GLIS1: variants seen among roughly 807,000 people sequenced by gnomAD.
The protein encoded by GLIS1 is zinc finger protein GLIS1.
In GLIS1, 24 loss-of-function variants were observed where a neutral mutation model predicts 63.8. The ratio of observed to expected loss-of-function variants is 0.38; its 90% CI spans 0.27 to 0.53. The LOEUF (loss-of-function observed/expected upper bound fraction) is 0.53. Ranked by LOEUF, GLIS1 falls within the 20% of genes least tolerant of loss-of-function variation. GLIS1 has a pLI of 0.85. For synonymous variants in GLIS1, 450 were observed against 482.5 expected, an observed-to-expected ratio of 0.93 and a Z score of 0.88; for missense variants, 1,036 against 1,074.1, an observed-to-expected ratio of 0.96 and a Z score of 0.50.
At chr1:53,593,863 G>A (rs1304705449) in intron 4 of GLIS1, among the ~76,000 whole-genome samples, 1 of 152,238 alleles carries the variant, frequency 6.6e-6, no homozygotes, top group African/African-American at 2.4e-5. Context: ...TATATCTAAT[G>A]CCTCAGGGTG....
At chr1:53,538,366 T>G (rs937494867) in intron 4 of GLIS1, among the ~76,000 whole-genome samples, 2 of 152,182 alleles carry the variant, frequency 1.3e-5, no homozygotes, top group Non-Finnish European at 2.9e-5. Flanking sequence ...ACATTGACCA[T>G]GTGCCTAGGA....
chr1:53,584,340 T>TC (rs1267755424), intron 4 of GLIS1, among the ~76,000 whole-genome samples: 2 of 152,124 alleles, frequency 1.3e-5, no homozygotes, highest in Non-Finnish European at 2.9e-5. Flanking sequence ...ACACCTATGT[T>TC]CCCCACAAGG....
chr1:53,550,159 A>C (rs12081852), intron 4 of GLIS1, among the ~76,000 whole-genome samples: 56,442 of 152,144 alleles, frequency 0.37, 10,881 homozygotes, highest in Admixed American at 0.42. Context: ...ACAGGCATGC[A>C]TGCTCAAATT....
In GLIS1 at chr1:53,543,899, CAA is replaced by C. The variant is rs531336509; in HGVS notation, c.1321-13949_1321-13948del. The stretch of plus-strand genomic sequence containing the variant: ...AGAAACACCCCGTGGCCACCACTTG[CAA>C]GAGAGGACCGTGTCACTGAGAAAAG... On this transcript the variant is annotated intron_variant, in intron 4 of 10. Coordinates refer to ENST00000628545, the MANE Select transcript of GLIS1 (RefSeq NM_001367484.1). Among the ~76,000 whole-genome samples, 178 of 152,190 alleles carry C rather than the reference CAA, an allele frequency of 1.2e-3. 1 individual carries two copies. The highest frequency in any genetic ancestry group is 4.2e-3 in the African/African-American group (173 of 41,528).
intron 2 of GLIS1, among the ~76,000 whole-genome samples, chr1:53,652,935 T>G (rs1233797697): frequency 2.0e-5 from 3 of 152,164 alleles, no homozygotes; most frequent in Non-Finnish European, 4.4e-5. Flanking sequence ...GTGGGGATGA[T>G]GAGAAAGCAA....
At chr1:53,690,598 C>T (rs1646392718) in intron 2 of GLIS1, among the ~76,000 whole-genome samples, 1 of 152,202 alleles carries the variant, frequency 6.6e-6, no homozygotes, top group South Asian at 2.1e-4. Context: ...CAGTGCTGTT[C>T]AGAATGCCAG....
intron 2 of GLIS1, among the ~76,000 whole-genome samples, chr1:53,733,137 G>A (rs1054858269): frequency 6.6e-6 from 1 of 152,078 alleles, no homozygotes; most frequent in Non-Finnish European, 1.5e-5. Flanking sequence ...TCAGAACAAA[G>A]AACATAAGAA....
At chr1:53,566,665 C>G (rs961514772) in intron 4 of GLIS1, among the ~76,000 whole-genome samples, 1 of 152,142 alleles carries the variant, frequency 6.6e-6, no homozygotes, top group African/African-American at 2.4e-5. Flanking sequence ...TAGATTTCCC[C>G]CTTGCTGTTC....
At chr1:53,726,565 G>T (rs966914094) in intron 2 of GLIS1, among the ~76,000 whole-genome samples, 3 of 152,072 alleles carry the variant, frequency 2.0e-5, no homozygotes, top group Non-Finnish European at 4.4e-5. Flanking sequence ...AATAAACTAG[G>T]GAAGAGGTGG....
At chr1:53,605,312 G>A (rs1645359058) in intron 2 of GLIS1, among the ~76,000 whole-genome samples, 1 of 152,072 alleles carries the variant, frequency 6.6e-6, no homozygotes, top group South Asian at 2.1e-4. Context: ...CTGCTCTGAG[G>A]CACACATCCT....
intron 5 of GLIS1, among the ~76,000 whole-genome samples, chr1:53,529,008 G>A (rs374796406): frequency 2.0e-5 from 3 of 152,196 alleles, no homozygotes; most frequent in South Asian, 2.1e-4. Context: ...GTGCGATGGT[G>A]AGCAGGCACT....
chr1:53,683,069 CTG>C (rs1646292743), intron 2 of GLIS1, among the ~76,000 whole-genome samples: 1 of 152,216 alleles, frequency 6.6e-6, no homozygotes, highest in African/African-American at 2.4e-5. Flanking sequence ...AGGGAATGGT[CTG>C]TGCAAAGGCA....
intron 2 of GLIS1, among the ~76,000 whole-genome samples, chr1:53,699,151 G>A (rs756883862): frequency 7.9e-5 from 12 of 151,478 alleles, no homozygotes; most frequent in East Asian, 1.9e-4. Context: ...TGCATTCTCC[G>A]CTTCCCAGAT....
At chr1:53,668,212 T>C (rs1376948951) in intron 2 of GLIS1, among the ~76,000 whole-genome samples, 1 of 152,260 alleles carries the variant, frequency 6.6e-6, no homozygotes, top group East Asian at 1.9e-4. Flanking sequence ...CATTATATGA[T>C]GCTTAGCAGC....
At chr1:53,672,310 C>G (rs945312120) in intron 2 of GLIS1, among the ~76,000 whole-genome samples, 1 of 152,208 alleles carries the variant, frequency 6.6e-6, no homozygotes, top group African/African-American at 2.4e-5. Context: ...AGTCAGTCCA[C>G]CTCCACAAGC....
intron 4 of GLIS1, among the ~76,000 whole-genome samples, chr1:53,576,490 C>A (rs1326918508): frequency 6.6e-6 from 1 of 152,178 alleles, no homozygotes; most frequent in Non-Finnish European, 1.5e-5. Context: ...ACAGCTGCCT[C>A]TTCTTCCAGC....
chr1:53,538,839 T>G (rs1448928715), intron 4 of GLIS1, among the ~76,000 whole-genome samples: 1 of 152,080 alleles, frequency 6.6e-6, no homozygotes, highest in Non-Finnish European at 1.5e-5. Context: ...GGGCAAGAAA[T>G]GGGTTCCTGT....
rs1161757152 is a variant in GLIS1, at chr1:53,569,278, C to A, written c.1320+24830G>T. 2.0e-5 allele frequency among the ~76,000 whole-genome samples: 3 copies of A among 152,042 alleles called. No homozygotes were observed. In the East Asian group the frequency reaches 5.8e-4, roughly 29 times the overall value. ...CAGAATGTACAATACCAAGAATGAACCTTAATGTAAACTATGGACTTTGGG... is the reference window on the plus strand; with the variant it reads ...CAGAATGTACAATACCAAGAATGAAACTTAATGTAAACTATGGACTTTGGG... On this transcript the variant is annotated intron_variant, in intron 4 of 10. Transcript: ENST00000628545.
rs12564271 is a variant in GLIS1 at position 53,670,384 on chromosome 1, T to C, written c.259+67422A>G. Among the ~76,000 whole-genome samples the C allele has an allele frequency of 0.014, 2,198 of 152,280 alleles. 123 individuals are homozygous for C. The East Asian group carries it at 0.22, about 15-fold the overall frequency. ...CCCCGCTTTTCTAAGCCCTCTAACT[T>C]CTTAGCATGTCATCTTAGATGTCTA... On this transcript the variant is annotated intron_variant, in intron 2 of 10. Coordinates refer to ENST00000628545, the MANE Select transcript of GLIS1 (RefSeq NM_001367484.1).
Sources: gnomAD v4.1 joint callset for allele counts (sites outside exome capture counted in the v4.1 genomes callset) on GRCh38, gnomAD v4.1.1 for gene constraint, MANE v1.5 for transcripts, NCBI Gene and HGNC (gene_info 2026-07-23, HGNC 2026-07-21) for gene names.